SYBU: variants seen among roughly 807,000 people sequenced by gnomAD.
The protein encoded by SYBU is syntabulin.
A neutral mutation model predicts 35.9 loss-of-function variants in SYBU; 21 were observed. The ratio of observed to expected loss-of-function variants is 0.58; its 90% CI spans 0.41 to 0.84. SYBU has a LOEUF of 0.84. Among genes scored for constraint, SYBU ranks in the 40% least tolerant of loss-of-function variants. The pLI is 0.00. For synonymous variants in SYBU, 319 were observed against 324.3 expected (o/e 0.98, Z 0.18); for missense variants, 768 against 848.2 (o/e 0.91, Z 1.17).
In SYBU at chr8:109,634,144, C is replaced by T. The variant is rs140523479; in HGVS notation, c.229+8584G>A. Among the ~76,000 whole-genome samples the T allele has an allele frequency of 9.8e-5, 15 of 152,296 alleles. No homozygotes were observed. In the East Asian group the frequency reaches 2.9e-3, roughly 29 times the overall value. On this transcript the variant is annotated intron_variant, in intron 2 of 6. Transcript: ENST00000276646. ...CTCCTCACTGCTCCCTAAATATTCCCTGAGCTTTTAAGACTCTGCTTTTAC... is the reference window on the plus strand; with the variant it reads ...CTCCTCACTGCTCCCTAAATATTCCTTGAGCTTTTAAGACTCTGCTTTTAC...
intron 1 of SYBU, among the ~76,000 whole-genome samples, chr8:109,689,441 G>A (rs991847872): frequency 6.6e-6 from 1 of 152,096 alleles, no homozygotes; most frequent in African/African-American, 2.4e-5. Flanking sequence ...TCCTGCTTCA[G>A]CCTCCTCAGT....
intron 3 of SYBU, among the ~76,000 whole-genome samples, chr8:109,599,929 C>G (rs1161127879): frequency 6.6e-6 from 1 of 152,162 alleles, no homozygotes; most frequent in Non-Finnish European, 1.5e-5. Context: ...CATGCTGTTC[C>G]CTCTAGCTGG....
At chr8:109,675,824 G>T (rs1240515939) in intron 1 of SYBU, among the ~76,000 whole-genome samples, 6 of 152,090 alleles carry the variant, frequency 3.9e-5, no homozygotes, top group Non-Finnish European at 7.4e-5. Context: ...AAACCTGGCA[G>T]AGACACAACA....
chr8:109,649,678 T>G (rs1816036315), upstream of SYBU, among the ~76,000 whole-genome samples: 1 of 152,186 alleles, frequency 6.6e-6, no homozygotes, highest in Admixed American at 6.5e-5. Context: ...AAAATGGCTT[T>G]TTGTTTGTGG....
intron 3 of SYBU, among the ~76,000 whole-genome samples, chr8:109,616,687 T>C (rs1410032911): frequency 2.0e-5 from 3 of 149,170 alleles, no homozygotes; most frequent in African/African-American, 7.4e-5. Context: ...AGCTTCATGA[T>C]GAAACATACT....
At position 109,586,076 on chromosome 8, in the gene SYBU, A is replaced by T. The variant is rs1563685779; in HGVS notation, c.514T>A (p.Ser172Thr). 6.2e-7 allele frequency: 1 copy of T among 1,610,688 alleles called. No homozygotes were observed. The highest frequency in any genetic ancestry group is 2.2e-5 in the East Asian group (1 of 44,842). ...VHMSTAGSKRSSSSRNRGPHG... is the reference protein window; with the variant it reads ...VHMSTAGSKRTSSSRNRGPHG... ...GGTGCCTACTTGCGTGAAGAAGAAG[A>T]CCGCTTGCTTCCCGCAGTCGACATA... Residue 172 changes from serine to threonine, a missense_variant, in exon 4 of 7, where the codon TCT (serine) becomes ACT (threonine). Ser to Thr is a moderately conservative substitution (Grantham distance 58, BLOSUM62 1). Transcript: ENST00000276646.
In SYBU at chr8:109,607,808, TCACACA is replaced by T. The variant is rs71305960; in HGVS notation, c.427+11028_427+11033del. On this transcript the variant is annotated intron_variant, in intron 3 of 6. Transcript: ENST00000276646. ...TCCATTTTGGCCTACCACAACTAAC[TCACACA>T]CACACACACACACACACACACACAC... is the stretch of plus-strand genomic sequence containing the variant. 8.5e-3 allele frequency: 3,193 copies of T among 377,016 alleles called. 22 individuals carry two copies. Among genetic ancestry groups the T allele is most frequent in the African/African-American group, 0.037 (1,533 of 41,498 alleles). The allele number at this position is 377,016 out of a possible 1,614,324, so 23.4% of individuals were successfully genotyped here. A position where few individuals can be genotyped will look rare whatever the true frequency, so the allele number is the denominator to read the frequency against.
upstream of SYBU, among the ~76,000 whole-genome samples, chr8:109,681,762 G>T (rs1817401430): frequency 6.6e-6 from 1 of 152,156 alleles, no homozygotes; most frequent in African/African-American, 2.4e-5. Flanking sequence ...TCATGATATG[G>T]TTTGGGTGTG....
intron 3 of SYBU, among the ~76,000 whole-genome samples, chr8:109,588,987 C>G (rs572430523): frequency 6.6e-6 from 1 of 152,230 alleles, no homozygotes; most frequent in African/African-American, 2.4e-5. Context: ...TGGCAAAACC[C>G]TGTCTCTACT....
intron 3 of SYBU, among the ~76,000 whole-genome samples, chr8:109,618,340 T>A (rs1382908355): frequency 6.6e-6 from 1 of 152,208 alleles, no homozygotes; most frequent in Non-Finnish European, 1.5e-5. Flanking sequence ...AACATTTACA[T>A]GTGTTTATAC....
chr8:109,632,486 C>A (rs1813742005), intron 2 of SYBU, among the ~76,000 whole-genome samples: 1 of 151,782 alleles, frequency 6.6e-6, no homozygotes, highest in Non-Finnish European at 1.5e-5. Flanking sequence ...AGAATCTGAA[C>A]ATGGTAATGG....
At chr8:109,576,068 A>C (rs889737892) in intron 6 of SYBU, 55 bp from the exon 7 acceptor site, 28 of 1,351,368 alleles carry the variant, frequency 2.1e-5, no homozygotes, top group African/African-American at 1.3e-4. Flanking sequence ...AAAAAAAAAA[A>C]AACTTTCAAC....
At chr8:109,663,265 A>G (rs1183825783) in intron 1 of SYBU, among the ~76,000 whole-genome samples, 2 of 147,764 alleles carry the variant, frequency 1.4e-5, no homozygotes, top group Non-Finnish European at 3.0e-5. Context: ...ATACAGATAG[A>G]TAGATAGATA....
At chr8:109,649,509 C>A (rs917798494), upstream of SYBU, among the ~76,000 whole-genome samples, 3 of 152,098 alleles carry the variant, frequency 2.0e-5, no homozygotes, top group Non-Finnish European at 2.9e-5. Context: ...CTCTGCCCGA[C>A]AAACGAGTGT....
Position 109,579,956 on chromosome 8 carries a change from C to G in SYBU, c.577G>C (p.Gly193Arg), listed in dbSNP as rs1396478267. The G allele has an allele frequency of 2.5e-6, 4 of 1,613,622 alleles. No homozygotes were observed. The highest frequency in any genetic ancestry group is 3.4e-6 in the Non-Finnish European group (4 of 1,180,024). ...TCCCGCGGGGATGATGGGCTGCTGC[C>G]AGGCTTGTGTGACGAAGCTCCATTA... Reference protein sequence around the residue: ...RSNGASSHKPGSSPSSPREKD... With the variant: ...RSNGASSHKPRSSPSSPREKD... The change falls in exon 5 of 7, where the codon GGC (glycine) becomes CGC (arginine). Residue 193 changes from glycine (G) to arginine (R), a missense_variant. Physicochemically the swap from Gly to Arg is moderately radical, Grantham distance 125. Transcript: ENST00000276646.
intron 1 of SYBU, among the ~76,000 whole-genome samples, chr8:109,659,169 A>G (rs1398457584): frequency 1.3e-5 from 2 of 152,186 alleles, no homozygotes; most frequent in Non-Finnish European, 2.9e-5. Context: ...AGTAGCCATT[A>G]GAAGATGTGT....
intron 1 of SYBU, among the ~76,000 whole-genome samples, chr8:109,658,822 C>T (rs1190439485): frequency 6.6e-6 from 1 of 152,112 alleles, no homozygotes; most frequent in Non-Finnish European, 1.5e-5. Flanking sequence ...GGCGTGGTGG[C>T]GCACGCCTGT....
chr8:109,642,692 C>T lies in SYBU; in HGVS notation c.229+36G>A, dbSNP rs759019920. 1.5e-5 allele frequency: 23 copies of T among 1,496,274 alleles called. 1 individual carries two copies. The highest frequency in any genetic ancestry group is 4.2e-5 in the African/African-American group (3 of 71,510). 92.7% of individuals were successfully genotyped at this position (1,496,274 alleles called of 1,614,324 possible). A position where few individuals can be genotyped will look rare whatever the true frequency, so the allele number is the denominator to read the frequency against. ...TCACAATGCACCTGCAGTGCACACG[C>T]TTCACGCCTCTGGTGGCCTCCCGAG... On this transcript the variant is annotated intron_variant, in intron 2 of 6. Transcript: ENST00000276646.
intron 3 of SYBU, among the ~76,000 whole-genome samples, chr8:109,612,287 T>C (rs878954343): frequency 2.0e-5 from 3 of 152,180 alleles, no homozygotes; most frequent in Non-Finnish European, 2.9e-5. Context: ...AAAAAACTAA[T>C]CAAATTTCAG....
Sources: allele counts gnomAD v4.1 joint callset (sites outside exome capture counted in the v4.1 genomes callset), GRCh38; gene constraint gnomAD v4.1.1; transcripts MANE v1.5; gene names NCBI Gene and HGNC (gene_info 2026-07-23, HGNC 2026-07-21).